Variants in CRTC1 observed in about 807,000 individuals in gnomAD.
The protein encoded by CRTC1 is CREB-regulated transcription coactivator 1.
CRTC1 carries 18 observed loss-of-function variants against 66.1 expected under a neutral mutation model. The ratio of observed to expected loss-of-function variants is 0.27; its 90% confidence interval spans 0.19 to 0.40. The LOEUF (loss-of-function observed/expected upper bound fraction) is 0.40, where lower values mean the gene tolerates loss of function less well. CRTC1 is among the 10% of genes least tolerant of loss of function. The probability of loss-of-function intolerance (pLI) is 1.00; values close to 1 mark genes in which losing one functional copy is unlikely to be tolerated. For synonymous variants in CRTC1, 416 were observed against 398.8 expected, an observed-to-expected ratio of 1.04 and a Z score of -0.51; for missense variants, 669 against 887.9, an observed-to-expected ratio of 0.75 and a Z score of 3.13.
rs2055040142 is a variant in CRTC1 at position 18,778,321 on chromosome 19, T to G, written c.*939T>G. ...TTTCCTTTTAGTTTCTAGTTACATT[T>G]TGGTTGTAGATGACTCGCTTAATCT... On this transcript the variant is annotated 3_prime_UTR_variant, in exon 14 of 14. Coordinates refer to ENST00000321949, the MANE Select transcript of CRTC1 (RefSeq NM_015321.3). 1 of 232,914 alleles carries G rather than the reference T, an allele frequency of 4.3e-6. No homozygotes were observed. Among genetic ancestry groups the G allele is most frequent in the Non-Finnish European group, 8.5e-6 (1 of 117,910 alleles). 14.4% of individuals were successfully genotyped at this position (232,914 alleles called of 1,614,324 possible).
At chr19:18,752,147 C>CAAAAA (rs35618318) in intron 5 of CRTC1, among the ~76,000 whole-genome samples, 1 of 90,612 alleles carries the variant, frequency 1.1e-5, no homozygotes. Context: ...AAGACTGTCT[C>CAAAAA]AAAAAAAAAA....
chr19:18,695,983 C>A (rs115375774), intron 1 of CRTC1, among the ~76,000 whole-genome samples: 6 of 152,166 alleles, frequency 3.9e-5, no homozygotes, highest in Non-Finnish European at 7.3e-5. Context: ...GTGTCAGGCC[C>A]TGTGTGTGCC....
chr19:18,755,577 G>A (rs1001073138), intron 6 of CRTC1, among the ~76,000 whole-genome samples: 19 of 148,304 alleles, frequency 1.3e-4, no homozygotes, highest in African/African-American at 3.2e-4. Flanking sequence ...CTATAGGAGC[G>A]TGCCACCAAA....
chr19:18,756,749 G>A (rs539527033), intron 6 of CRTC1, among the ~76,000 whole-genome samples: 107 of 152,328 alleles, frequency 7.0e-4, no homozygotes, highest in African/African-American at 2.5e-3. Context: ...GATGGCGACA[G>A]TCACCTTGCA....
At chr19:18,773,536 C>G (rs948630783) in intron 11 of CRTC1, among the ~76,000 whole-genome samples, 2 of 152,166 alleles carry the variant, frequency 1.3e-5, no homozygotes, top group African/African-American at 4.8e-5. Context: ...CCCCACACCC[C>G]GAGCCCCAGG....
intron 1 of CRTC1, among the ~76,000 whole-genome samples, chr19:18,733,463 T>C (rs2053933115): frequency 6.6e-6 from 1 of 152,204 alleles, no homozygotes; most frequent in Non-Finnish European, 1.5e-5. Context: ...TAAAAGGCAT[T>C]CCGAGGCAGG....
At chr19:18,766,826 C>T (rs537358878) in intron 9 of CRTC1, among the ~76,000 whole-genome samples, 1 of 152,320 alleles carries the variant, frequency 6.6e-6, no homozygotes, top group East Asian at 1.9e-4. Flanking sequence ...TGAATCTTCC[C>T]TCTTTTTTAC....
At position 18,753,242 on chromosome 19, in the gene CRTC1, C is replaced by G. The variant is rs2145776814; in HGVS notation, c.539-258C>G. Among the ~76,000 whole-genome samples the G allele has an allele frequency of 2.0e-5, 3 of 151,986 alleles. No individual in the cohort carries two copies. In the South Asian group the frequency reaches 6.2e-4, roughly 32 times the overall value. On this transcript the variant is annotated intron_variant, in intron 5 of 13. Transcript: ENST00000321949. ...AGTGAGCTGAGATTGTGCCACTGCA[C>G]TCCAGCCTGGGCGACAGAGCGAGAC...
chr19:18,705,559 T>C (rs62137136), intron 1 of CRTC1, among the ~76,000 whole-genome samples: 3,894 of 152,274 alleles, frequency 0.026, 87 homozygotes, highest in Middle Eastern at 0.095. Flanking sequence ...CCTCAGATGA[T>C]CCACCTGCCT....
chr19:18,730,002 A>T (rs2053849395), intron 1 of CRTC1, among the ~76,000 whole-genome samples: 1 of 152,116 alleles, frequency 6.6e-6, no homozygotes. Context: ...CCCAGGGGCC[A>T]CTGCCCAGCA....
chr19:18,726,123 A>C (rs965968148), intron 1 of CRTC1, among the ~76,000 whole-genome samples: 2 of 152,210 alleles, frequency 1.3e-5, no homozygotes, highest in African/African-American at 2.4e-5. Flanking sequence ...TTTGCGCATA[A>C]ATCTGCGTTC....
chr19:18,759,710 C>A, intron 7 of CRTC1, 119 bp downstream of exon 7: 1 of 1,162,184 alleles, frequency 8.6e-7, no homozygotes, highest in Non-Finnish European at 1.2e-6. Context: ...ACTGTGTGAC[C>A]AGAGGCCAGT....
intron 2 of CRTC1, 95 bp from the exon 3 acceptor site, chr19:18,745,728 G>A (rs571346606): frequency 6.6e-5 from 100 of 1,510,360 alleles, no homozygotes; most frequent in Non-Finnish European, 4.8e-5. Context: ...AGAGTGGGGG[G>A]CCCTGCGATC....
intron 7 of CRTC1, 51 bp from the exon 8 acceptor site, chr19:18,759,957 C>CCAGCCCCCTGTCCCCGCCAA: frequency 7.2e-7 from 1 of 1,390,364 alleles, no homozygotes. Flanking sequence ...GTCCCCGCCG[C>CCAGCCCCCTGTCCCCGCCAA]CAGCCCCGCC....
At chr19:18,769,134 C>T (rs2054806342) in intron 10 of CRTC1, among the ~76,000 whole-genome samples, 1 of 152,230 alleles carries the variant, frequency 6.6e-6, no homozygotes, top group Non-Finnish European at 1.5e-5. Context: ...ACGGCGTTCT[C>T]AGGGCCAGGG....
intron 1 of CRTC1, among the ~76,000 whole-genome samples, chr19:18,692,601 C>CA (rs36124401): frequency 1.1e-3 from 135 of 123,998 alleles, no homozygotes; most frequent in Middle Eastern, 4.7e-3. Flanking sequence ...AACTCTGTCT[C>CA]AAAAAAAAAA....
intron 1 of CRTC1, among the ~76,000 whole-genome samples, chr19:18,734,911 CCT>C: frequency 6.6e-6 from 1 of 152,328 alleles, no homozygotes; most frequent in South Asian, 2.1e-4. Context: ...TCCCACATTC[CCT>C]GTGTACCCTG....
At chr19:18,743,990 G>A in intron 2 of CRTC1, 1 of 1,018,060 alleles carries the variant, frequency 9.8e-7, no homozygotes, top group East Asian at 2.4e-5. Flanking sequence ...AGGGGCACAG[G>A]ACCCTGTTGG....
At chr19:18,725,770 TC>T (rs2053736909) in intron 1 of CRTC1, among the ~76,000 whole-genome samples, 11 of 152,020 alleles carry the variant, frequency 7.2e-5, no homozygotes. Flanking sequence ...TCCGCCACCT[TC>T]CCCCAACACA....
Sources: allele counts gnomAD v4.1 joint callset (sites outside exome capture counted in the v4.1 genomes callset), GRCh38; gene constraint gnomAD v4.1.1; transcripts MANE v1.5; gene names NCBI Gene and HGNC (gene_info 2026-07-23, HGNC 2026-07-21).